Variants in DLGAP2 observed in about 807,000 individuals in gnomAD.
The protein encoded by DLGAP2 is DLG associated protein 2, also known as disks large-associated protein 2.
Under a neutral mutation model 100.3 loss-of-function variants are expected in DLGAP2, and 26 were observed. The observed-to-expected ratio is 0.26, with a 90% CI of 0.19 to 0.36. DLGAP2 has a LOEUF of 0.36. DLGAP2 is among the 10% of genes least tolerant of loss of function. The pLI is 1.00. For missense variants in DLGAP2, 1,858 were observed against 1,453.2 expected (o/e 1.28, Z -4.53); for synonymous variants, 886 against 630.1 (o/e 1.41, Z -6.08).
At chr8:1,129,401 CAAA>C (rs35118074) in intron 2 of DLGAP2, among the ~76,000 whole-genome samples, 6 of 112,040 alleles carry the variant, frequency 5.4e-5, no homozygotes, top group Non-Finnish European at 3.7e-5. Flanking sequence ...GACTCCATCT[CAAA>C]AAAAAAAAAA....
intron 3 of DLGAP2, among the ~76,000 whole-genome samples, chr8:1,475,698 C>A (rs1798912445): frequency 6.6e-6 from 1 of 152,188 alleles, no homozygotes; most frequent in Non-Finnish European, 1.5e-5. Flanking sequence ...CTCGCGTGGT[C>A]CACGGCAGAA....
chr8:1,431,783 A>T (rs990042261), intron 3 of DLGAP2, among the ~76,000 whole-genome samples: 3 of 152,198 alleles, frequency 2.0e-5, no homozygotes, highest in African/African-American at 7.2e-5. Flanking sequence ...CATTTGTAAA[A>T]TGAAGACACT....
intron 2 of DLGAP2, among the ~76,000 whole-genome samples, chr8:1,166,810 T>C (rs949053269): frequency 6.6e-6 from 1 of 152,186 alleles, no homozygotes; most frequent in Non-Finnish European, 1.5e-5. Flanking sequence ...CTGGTAAATG[T>C]AAGTATTGTT....
chr8:1,244,071 G>A (rs1798854661), intron 2 of DLGAP2, among the ~76,000 whole-genome samples: 1 of 152,272 alleles, frequency 6.6e-6, no homozygotes, highest in Non-Finnish European at 1.5e-5. Flanking sequence ...CGTAGGGATG[G>A]TGGGTGTCAG....
chr8:956,043 A>C (rs1799589654), intron 2 of DLGAP2, among the ~76,000 whole-genome samples: 2 of 152,276 alleles, frequency 1.3e-5, no homozygotes, highest in South Asian at 4.1e-4. Flanking sequence ...GTGATGGTGG[A>C]GTTAAATTCC....
intron 2 of DLGAP2, among the ~76,000 whole-genome samples, chr8:1,240,338 C>G: frequency 7.5e-6 from 1 of 134,200 alleles, no homozygotes; most frequent in Non-Finnish European, 1.6e-5. Flanking sequence ...CTCTCTCACA[C>G]ATAACGTCAT....
At chr8:1,344,774 G>C (rs1801516933) in intron 3 of DLGAP2, among the ~76,000 whole-genome samples, 1 of 152,170 alleles carries the variant, frequency 6.6e-6, no homozygotes, top group Non-Finnish European at 1.5e-5. Context: ...GGGATCACTG[G>C]TAACTGAGGC....
intron 2 of DLGAP2, among the ~76,000 whole-genome samples, chr8:935,659 G>A (rs1217718803): frequency 6.6e-6 from 1 of 152,090 alleles, no homozygotes; most frequent in East Asian, 1.9e-4. Flanking sequence ...CCTCAGTCGT[G>A]TTCTGTCATC....
At chr8:1,530,159 C>T (rs111226152) in intron 4 of DLGAP2, among the ~76,000 whole-genome samples, 20 of 152,106 alleles carry the variant, frequency 1.3e-4, no homozygotes, top group African/African-American at 4.8e-4. Context: ...CCTAATAAGC[C>T]TGGGAGCACT....
chr8:1,620,741 A>C (rs567113382), intron 6 of DLGAP2, among the ~76,000 whole-genome samples: 2 of 152,074 alleles, frequency 1.3e-5, no homozygotes, highest in East Asian at 3.9e-4. Context: ...TGTCCAGGAC[A>C]CCACTTCCTG....
chr8:1,602,018 A>G (rs917399721), intron 6 of DLGAP2, among the ~76,000 whole-genome samples: 8 of 144,464 alleles, frequency 5.5e-5, no homozygotes, highest in African/African-American at 1.5e-4. Flanking sequence ...GGGGGCCTCT[A>G]TCCCTCACGA....
intron 1 of DLGAP2, among the ~76,000 whole-genome samples, chr8:792,064 A>G (rs1041127767): frequency 2.6e-5 from 4 of 152,210 alleles, no homozygotes; most frequent in Non-Finnish European, 5.9e-5. Flanking sequence ...TACCAATGTG[A>G]ATTTTATCAG....
intron 3 of DLGAP2, among the ~76,000 whole-genome samples, chr8:1,498,582 A>G (rs55983756): frequency 0.012 from 1,812 of 152,330 alleles, 33 homozygotes; most frequent in African/African-American, 0.04. Flanking sequence ...AGAAAGCCAG[A>G]GTGCAGAGCT....
chr8:1,149,673 T>C (rs1442988554), intron 2 of DLGAP2, among the ~76,000 whole-genome samples: 3 of 152,264 alleles, frequency 2.0e-5, no homozygotes, highest in Non-Finnish European at 4.4e-5. Flanking sequence ...ATTCATGACA[T>C]CCAGGAATTT....
intron 4 of DLGAP2, among the ~76,000 whole-genome samples, chr8:1,528,422 A>G (rs1381386213): frequency 5.3e-5 from 8 of 152,058 alleles, no homozygotes. Context: ...GACGTCATAA[A>G]CTCCTAAGCC....
intron 3 of DLGAP2, chr8:1,295,931 C>T (rs536701089): frequency 8.5e-5 from 13 of 152,256 alleles, no homozygotes; most frequent in South Asian, 4.1e-4. Flanking sequence ...CTGCAGGCTA[C>T]GTGAGAGTTA....
intron 4 of DLGAP2, among the ~76,000 whole-genome samples, chr8:1,504,325 T>C (rs570149652): frequency 1.3e-5 from 2 of 152,356 alleles, no homozygotes; most frequent in South Asian, 4.1e-4. Context: ...GATGTTTTGA[T>C]ACAGGTATAC....
At chr8:1,318,474 C>T (rs1258234261) in intron 3 of DLGAP2, among the ~76,000 whole-genome samples, 1 of 150,384 alleles carries the variant, frequency 6.6e-6, no homozygotes, top group Non-Finnish European at 1.5e-5. Context: ...AGCAAAATGG[C>T]AGCCCTCTTC....
chr8:1,683,956 A>ATATATATATG (rs1799041059), intron 12 of DLGAP2, among the ~76,000 whole-genome samples: 1 of 4,338 alleles, frequency 2.3e-4, no homozygotes, highest in African/African-American at 6.8e-4. Context: ...ATATGTGTGT[A>ATATATATATG]TATATATATA....
Sources: allele counts gnomAD v4.1 joint callset (sites outside exome capture counted in the v4.1 genomes callset), GRCh38; gene constraint gnomAD v4.1.1; transcripts MANE v1.5; gene names NCBI Gene and HGNC (gene_info 2026-07-23, HGNC 2026-07-21).